The following CNTLN variants were observed in gnomAD, a reference collection of about 807,000 sequenced individuals.
The protein encoded by CNTLN is centlein.
A neutral mutation model predicts 180.0 loss-of-function variants in CNTLN; 212 were observed. The ratio of observed to expected loss-of-function variants is 1.18; its 90% CI spans 1.05 to 1.32. The LOEUF is 1.32. Among genes scored for constraint, CNTLN ranks in the 40% most tolerant of loss-of-function variants. The pLI, the probability that CNTLN is intolerant of heterozygous loss-of-function variation, is 0.00. For missense variants in CNTLN, 2,095 were observed against 1,610.9 expected (o/e 1.30, Z -5.14); for synonymous variants, 722 against 563.1 (o/e 1.28, Z -3.99).
At chr9:17,197,159 G>A (rs1483251726) in intron 2 of CNTLN, among the ~76,000 whole-genome samples, 1 of 152,088 alleles carries the variant, frequency 6.6e-6, no homozygotes, top group African/African-American at 2.4e-5. Flanking sequence ...CTACTTCAAA[G>A]GGCTATTGTA....
intron 7 of CNTLN, among the ~76,000 whole-genome samples, chr9:17,302,513 T>A (rs1029029228): frequency 6.6e-6 from 1 of 152,142 alleles, no homozygotes; most frequent in African/African-American, 2.4e-5. Context: ...TCACTTTTAA[T>A]TAGTTCGTAC....
At position 17,273,937 on chromosome 9, in the gene CNTLN, C is replaced by G. The variant is rs62558323; in HGVS notation, c.983+71C>G. On this transcript the variant is annotated intron_variant, in intron 6 of 25. Coordinates refer to ENST00000380647, the MANE Select transcript of CNTLN (RefSeq NM_017738.4). ...GTTATTCAGAATGATACCATTTATA[C>G]TTATTACTAACACCCTAAAATAATA... 2.1e-4 allele frequency: 238 copies of G among 1,116,312 alleles called. 3 individuals carry two copies. The South Asian group carries it at 2.7e-3, about 13-fold the overall frequency. 69.2% of individuals were successfully genotyped at this position (1,116,312 alleles called of 1,614,324 possible).
chr9:17,423,384 A>G (rs1828864096), intron 18 of CNTLN, among the ~76,000 whole-genome samples: 1 of 152,066 alleles, frequency 6.6e-6, no homozygotes, highest in Non-Finnish European at 1.5e-5. Context: ...GGGGCTTCAG[A>G]GATCTGCTTG....
chr9:17,401,608 A>G (rs1826982012), intron 15 of CNTLN, among the ~76,000 whole-genome samples: 1 of 151,764 alleles, frequency 6.6e-6, no homozygotes, highest in Admixed American at 6.6e-5. Flanking sequence ...TCTGGTCTCA[A>G]GTGATCCTCC....
chr9:17,453,294 T>C (rs1830901773), intron 18 of CNTLN, among the ~76,000 whole-genome samples: 1 of 151,924 alleles, frequency 6.6e-6, no homozygotes, highest in South Asian at 2.1e-4. Context: ...GCCTGGGCAA[T>C]AGAGCAAGAC....
chr9:17,263,771 A>AT, intron 5 of CNTLN, among the ~76,000 whole-genome samples: 1 of 145,340 alleles, frequency 6.9e-6, no homozygotes, highest in Non-Finnish European at 1.5e-5. Flanking sequence ...TGTGGTTTTG[A>AT]TTTGCATTTC....
intron 3 of CNTLN, among the ~76,000 whole-genome samples, chr9:17,227,890 G>A (rs990967967): frequency 2.0e-5 from 3 of 152,116 alleles, no homozygotes; most frequent in South Asian, 2.1e-4. Context: ...ACATTAAAAT[G>A]TACTCTAAAA....
chr9:17,175,255 A>G (rs969905359), intron 2 of CNTLN, among the ~76,000 whole-genome samples: 1 of 152,000 alleles, frequency 6.6e-6, no homozygotes, highest in African/African-American at 2.4e-5. Context: ...TTTTTTCCTA[A>G]AAGTTTTATA....
the CNTLN span, among the ~76,000 whole-genome samples, chr9:17,519,244 GTTT>G: frequency 6.3e-5 from 9 of 143,460 alleles, no homozygotes; most frequent in Non-Finnish European, 4.6e-5. Context: ...AGATTTGAGT[GTTT>G]TTTTTTTTTT....
At chr9:17,150,580 G>C (rs1335219640) in intron 2 of CNTLN, among the ~76,000 whole-genome samples, 1 of 152,204 alleles carries the variant, frequency 6.6e-6, no homozygotes, top group African/African-American at 2.4e-5. Context: ...AAGTCAGGTA[G>C]CATGATGCCT....
chr9:17,465,947 A>T, intron 21 of CNTLN, 34 bp from the exon 22 acceptor site: 1 of 1,556,494 alleles, frequency 6.4e-7, no homozygotes, highest in Non-Finnish European at 8.8e-7. Flanking sequence ...GAATGCCTTC[A>T]ACAATAATAA....
intron 5 of CNTLN, among the ~76,000 whole-genome samples, chr9:17,265,805 C>G (rs202195230): frequency 1.3e-5 from 2 of 152,072 alleles, no homozygotes; most frequent in Non-Finnish European, 2.9e-5. Context: ...ATTTCTTCTA[C>G]ATTTTCTGGT....
chr9:17,203,867 C>A (rs773305909), intron 2 of CNTLN, among the ~76,000 whole-genome samples: 1 of 152,130 alleles, frequency 6.6e-6, no homozygotes, highest in Non-Finnish European at 1.5e-5. Context: ...AAGATTAATT[C>A]TTTTTTCTCT....
At chr9:17,209,045 T>C (rs112636707) in intron 2 of CNTLN, among the ~76,000 whole-genome samples, 414 of 152,216 alleles carry the variant, frequency 2.7e-3, no homozygotes, top group Non-Finnish European at 5.1e-3. Flanking sequence ...TTATTTGAAG[T>C]TTTCCTACTT....
At chr9:17,261,968 A>C (rs530989540) in intron 5 of CNTLN, among the ~76,000 whole-genome samples, 1 of 151,584 alleles carries the variant, frequency 6.6e-6, no homozygotes, top group African/African-American at 2.4e-5. Context: ...GCCAACAAAC[A>C]TAGGAAAAAA....
chr9:17,431,840 T>G (rs1829435895), intron 18 of CNTLN, among the ~76,000 whole-genome samples: 1 of 152,192 alleles, frequency 6.6e-6, no homozygotes, highest in South Asian at 2.1e-4. Flanking sequence ...AGCAACACAT[T>G]TTCTAAGTGA....
intron 1 of CNTLN, among the ~76,000 whole-genome samples, chr9:17,137,763 C>A (rs1399844657): frequency 1.3e-5 from 2 of 152,140 alleles, no homozygotes; most frequent in African/African-American, 4.8e-5. Context: ...GTGATGTGTG[C>A]TTGGTGAAGT....
chr9:17,433,255 T>A (rs1016662305), intron 18 of CNTLN, among the ~76,000 whole-genome samples: 4 of 151,826 alleles, frequency 2.6e-5, no homozygotes, highest in African/African-American at 9.7e-5. Flanking sequence ...AGATAACATA[T>A]CAAGTTAAGA....
At chr9:17,297,813 A>G (rs931079004) in intron 6 of CNTLN, among the ~76,000 whole-genome samples, 6 of 152,196 alleles carry the variant, frequency 3.9e-5, no homozygotes, top group African/African-American at 1.4e-4. Flanking sequence ...GTAATATAAA[A>G]TGAAAGGTTG....
Sources: allele counts gnomAD v4.1 joint callset (sites outside exome capture counted in the v4.1 genomes callset), GRCh38; gene constraint gnomAD v4.1.1; transcripts MANE v1.5; gene names NCBI Gene and HGNC (gene_info 2026-07-23, HGNC 2026-07-21).